Variants in ART3 observed in about 807,000 individuals in gnomAD.
The protein encoded by ART3 is ADP-ribosyltransferase 3 (inactive).
ART3 carries 49 observed loss-of-function variants against 48.5 expected under a neutral mutation model. The observed-to-expected ratio is 1.01, with a 90% confidence interval of 0.80 to 1.28. The LOEUF is 1.28. Among genes scored for constraint, ART3 ranks in the 50% most tolerant of loss-of-function variants. ART3 has a pLI of 0.00. For synonymous variants in ART3, 145 were observed against 157.2 expected (o/e 0.92, Z 0.58); for missense variants, 438 against 454.3 (o/e 0.96, Z 0.33).
intron 1 of ART3, among the ~76,000 whole-genome samples, chr4:76,013,671 C>G (rs1337240426): frequency 6.6e-6 from 1 of 152,168 alleles, no homozygotes; most frequent in Non-Finnish European, 1.5e-5. Flanking sequence ...TATTTCCCAT[C>G]TTTGAAACTG....
At chr4:76,077,708 G>A (rs542086178) in intron 2 of ART3, among the ~76,000 whole-genome samples, 1 of 152,058 alleles carries the variant, frequency 6.6e-6, no homozygotes, top group East Asian at 1.9e-4. Flanking sequence ...ACTTCTCTTG[G>A]GTGTACACCT....
intron 1 of ART3, among the ~76,000 whole-genome samples, chr4:76,064,543 A>G (rs1429465999): frequency 6.6e-6 from 1 of 152,234 alleles, no homozygotes; most frequent in African/African-American, 2.4e-5. Flanking sequence ...CTTGCAGTAA[A>G]CTATACTTTT....
At chr4:76,073,866 T>C (rs1720583820), upstream of ART3, among the ~76,000 whole-genome samples, 1 of 152,234 alleles carries the variant, frequency 6.6e-6, no homozygotes, top group Non-Finnish European at 1.5e-5. Flanking sequence ...CACATTGTTA[T>C]ATATGGTCAG....
chr4:76,111,350 G>T (rs1441592752), intron 11 of ART3, among the ~76,000 whole-genome samples: 1 of 152,164 alleles, frequency 6.6e-6, no homozygotes, highest in Admixed American at 6.5e-5. Flanking sequence ...GACATTACAA[G>T]AAAAAGTTGA....
chr4:76,021,349 A>T (rs779036001), intron 1 of ART3: 1 of 152,656 alleles, frequency 6.6e-6, no homozygotes, highest in African/African-American at 2.4e-5. Context: ...TAGGAAATAT[A>T]TACATCTAAG....
At chr4:76,037,712 T>C (rs1734566966) in intron 1 of ART3, among the ~76,000 whole-genome samples, 1 of 152,204 alleles carries the variant, frequency 6.6e-6, no homozygotes, top group Non-Finnish European at 1.5e-5. Flanking sequence ...GATTTTTACC[T>C]GAATTTTTCT....
chr4:76,011,204 A>AGG (rs1425033758), exon 1 of ART3: 15 of 152,434 alleles, frequency 9.8e-5, no homozygotes, highest in Non-Finnish European at 2.1e-4. Flanking sequence ...TTCTTCAGTG[A>AGG]GGAGGTTATA....
intron 2 of ART3, among the ~76,000 whole-genome samples, chr4:76,076,163 C>T (rs1721032293): frequency 1.3e-5 from 2 of 152,084 alleles, no homozygotes; most frequent in Admixed American, 6.6e-5. Flanking sequence ...TGCCACCACG[C>T]CTGGCTAATT....
chr4:76,047,502 G>A (rs551115261), intron 1 of ART3, among the ~76,000 whole-genome samples: 26 of 152,086 alleles, frequency 1.7e-4, no homozygotes, highest in South Asian at 6.2e-4. Context: ...TCTCATAGCC[G>A]CTCGGGGAAG....
intron 1 of ART3, among the ~76,000 whole-genome samples, chr4:76,067,927 AT>A (rs1479898908): frequency 6.6e-6 from 1 of 152,098 alleles, no homozygotes; most frequent in Non-Finnish European, 1.5e-5. Context: ...CACCACTGTA[AT>A]GTTGTGCCTT....
chr4:76,045,548 C>T (rs564095648), intron 1 of ART3, among the ~76,000 whole-genome samples: 1 of 152,036 alleles, frequency 6.6e-6, no homozygotes, highest in Non-Finnish European at 1.5e-5. Flanking sequence ...CATCAATTTC[C>T]TTACTTAGGT....
intron 1 of ART3, among the ~76,000 whole-genome samples, chr4:76,032,615 A>C (rs1733977021): frequency 1.6e-5 from 2 of 121,216 alleles, no homozygotes; most frequent in African/African-American, 3.2e-5. Context: ...GTGCAGTTTC[A>C]CTCTTGTTGC....
intron 1 of ART3, among the ~76,000 whole-genome samples, chr4:76,039,103 C>CTTTTTTT (rs11422213): frequency 7.0e-6 from 1 of 142,226 alleles, no homozygotes; most frequent in Non-Finnish European, 1.5e-5. Flanking sequence ...AATAATAGTA[C>CTTTTTTT]TTTTTTTTTT....
intron 1 of ART3, among the ~76,000 whole-genome samples, chr4:76,048,922 G>T (rs1196395382): frequency 6.6e-6 from 1 of 151,976 alleles, no homozygotes; most frequent in Admixed American, 6.6e-5. Flanking sequence ...CCCCAAAAAT[G>T]AAGTGGAGGG....
chr4:76,038,890 T>C (rs1230216577), intron 1 of ART3, among the ~76,000 whole-genome samples: 1 of 151,472 alleles, frequency 6.6e-6, no homozygotes, highest in African/African-American at 2.4e-5. Context: ...GCCTGGCTAA[T>C]TTTTATAGTT....
intron 3 of ART3, among the ~76,000 whole-genome samples, chr4:76,094,251 A>T: frequency 6.6e-6 from 1 of 152,220 alleles, no homozygotes; most frequent in East Asian, 1.9e-4. Context: ...AGGTAAGACA[A>T]CACCTTTAAC....
intron 1 of ART3, chr4:76,034,434 C>A: frequency 2.1e-6 from 1 of 482,240 alleles, no homozygotes; most frequent in Admixed American, 4.0e-5. Flanking sequence ...CTAGAAGGTT[C>A]TCTAGCCTAG....
chr4:76,055,199 C>G (rs1411391063), intron 1 of ART3, among the ~76,000 whole-genome samples: 4 of 152,200 alleles, frequency 2.6e-5, no homozygotes, highest in African/African-American at 9.6e-5. Flanking sequence ...AAGGTGTAGT[C>G]AGAGAAATGT....
At chr4:76,063,696 A>G (rs770006706) in intron 1 of ART3, among the ~76,000 whole-genome samples, 3 of 152,228 alleles carry the variant, frequency 2.0e-5, no homozygotes. Flanking sequence ...CGGAGAACAT[A>G]AAAACAAGAA....
Sources: allele counts gnomAD v4.1 joint callset (sites outside exome capture counted in the v4.1 genomes callset), GRCh38; gene constraint gnomAD v4.1.1; transcripts MANE v1.5; gene names NCBI Gene and HGNC (gene_info 2026-07-23, HGNC 2026-07-21).